TGFA: variants seen among roughly 807,000 people sequenced by gnomAD.
TGFA encodes protransforming growth factor alpha.
TGFA carries 12 observed loss-of-function variants against 21.7 expected under a neutral mutation model. That is an observed-to-expected ratio of 0.55 (90% CI 0.35 to 0.90). TGFA has a LOEUF of 0.90. Among genes scored for constraint, TGFA ranks in the 40% least tolerant of loss-of-function variants. TGFA has a pLI of 0.01. For missense variants in TGFA, 178 were observed against 210.8 expected (o/e 0.84, Z 0.96); for synonymous variants, 79 against 88.1 (o/e 0.90, Z 0.58).
chr2:70,520,396 T>C (rs1424941960), intron 1 of TGFA, among the ~76,000 whole-genome samples: 1 of 112,868 alleles, frequency 8.9e-6, no homozygotes, highest in Non-Finnish European at 1.8e-5. Context: ...GCATCTGTAA[T>C]ACCAGCTACT....
At position 70,553,117 on chromosome 2, in the gene TGFA, C is replaced by T. The variant is rs1235668609; in HGVS notation, c.40+611G>A. ...TTTCGCTCCTGCCCTCGGCGGACAC[C>T]GAAACCACTTCTCCCAGGGAAGTTA... On this transcript the variant is annotated intron_variant, in intron 1 of 5. Transcript: ENST00000295400. The T allele has an allele frequency of 3.3e-6, 5 of 1,513,954 alleles. No individual in the cohort carries two copies. The Admixed American group carries it at 8.0e-5, about 24-fold the overall frequency. The allele number at this position is 1,513,954 out of a possible 1,614,324, so 93.8% of individuals were successfully genotyped here. A position where few individuals can be genotyped will look rare whatever the true frequency, so the allele number is the denominator to read the frequency against.
intron 1 of TGFA, among the ~76,000 whole-genome samples, chr2:70,548,773 T>C (rs1673394329): frequency 6.6e-6 from 1 of 152,230 alleles, no homozygotes; most frequent in Non-Finnish European, 1.5e-5. Context: ...ACAACAAACG[T>C]GTAATCCTTA....
chr2:70,547,815 T>C (rs1553506193), intron 1 of TGFA, among the ~76,000 whole-genome samples: 1 of 145,568 alleles, frequency 6.9e-6, no homozygotes, highest in East Asian at 2.0e-4. Context: ...ATACTATCTA[T>C]ATATATACTA....
chr2:70,478,321 C>G (rs1462107204), intron 2 of TGFA, among the ~76,000 whole-genome samples: 2 of 152,198 alleles, frequency 1.3e-5, no homozygotes, highest in Admixed American at 6.5e-5. Flanking sequence ...AAATGCTATA[C>G]AGCTGATGCA....
At chr2:70,462,378 C>A (rs1381662673) in intron 3 of TGFA, among the ~76,000 whole-genome samples, 2 of 152,246 alleles carry the variant, frequency 1.3e-5, no homozygotes, top group African/African-American at 4.8e-5. Flanking sequence ...CAGGGCTGAA[C>A]ACATGCAAGC....
chr2:70,541,697 T>C (rs1673134960), intron 1 of TGFA, among the ~76,000 whole-genome samples: 1 of 152,106 alleles, frequency 6.6e-6, no homozygotes. Context: ...GTTTTCTTTG[T>C]TGGGGGAGGA....
intron 2 of TGFA, among the ~76,000 whole-genome samples, chr2:70,488,318 A>G (rs1203889253): frequency 2.0e-5 from 3 of 152,034 alleles, no homozygotes; most frequent in Non-Finnish European, 4.4e-5. Flanking sequence ...ATTTACCTAC[A>G]CTTCCTTCCA....
At chr2:70,464,728 C>T (rs1670499140) in intron 3 of TGFA, among the ~76,000 whole-genome samples, 1 of 152,184 alleles carries the variant, frequency 6.6e-6, no homozygotes, top group Admixed American at 6.5e-5. Context: ...CACATGGCTT[C>T]CATTGCCTAA....
At chr2:70,503,544 G>A (rs561253218) in intron 2 of TGFA, among the ~76,000 whole-genome samples, 25 of 148,422 alleles carry the variant, frequency 1.7e-4, no homozygotes, top group Non-Finnish European at 3.3e-4. Flanking sequence ...TGCACGTTGC[G>A]CACATGTACC....
chr2:70,536,974 G>C (rs564748856), intron 1 of TGFA, among the ~76,000 whole-genome samples: 1 of 142,210 alleles, frequency 7.0e-6, no homozygotes, highest in Non-Finnish European at 1.5e-5. Flanking sequence ...TTTTTGTTTT[G>C]TTTTCTTTTT....
At chr2:70,489,112 C>T (rs1467338377) in intron 2 of TGFA, among the ~76,000 whole-genome samples, 4 of 152,154 alleles carry the variant, frequency 2.6e-5, no homozygotes, top group African/African-American at 9.7e-5. Flanking sequence ...CAAGTCCTTC[C>T]CATCCCTGGG....
intron 1 of TGFA, among the ~76,000 whole-genome samples, chr2:70,539,196 G>T (rs1327026839): frequency 6.6e-6 from 1 of 152,182 alleles, no homozygotes; most frequent in African/African-American, 2.4e-5. Context: ...TATATGCACC[G>T]GGAAACCAAA....
In TGFA at chr2:70,447,701, A is replaced by G. The variant is rs1553488912; in HGVS notation, c.*3158T>C. On this transcript the variant is annotated 3_prime_UTR_variant, in exon 6 of 6. Coordinates refer to ENST00000295400, the MANE Select transcript of TGFA (RefSeq NM_003236.4). The stretch of plus-strand genomic sequence containing the variant: ...GAAAGCCTGGTAAATCAATGGCTAG[A>G]GAGAACAGGTCTTATGTTAGAACAT... The G allele has an allele frequency of 6.6e-6, 1 of 152,332 alleles. No homozygotes were observed. Among genetic ancestry groups the G allele is most frequent in the African/African-American group, 2.4e-5 (1 of 41,462 alleles). 9.4% of individuals were successfully genotyped at this position (152,332 alleles called of 1,614,324 possible).
rs974685074 is a variant in TGFA at position 70,450,947 on chromosome 2, G to C, written c.476-81C>G. The C allele has an allele frequency of 8.6e-6, 13 of 1,520,204 alleles. No individual in the cohort carries two copies. In the East Asian group the frequency reaches 3.0e-4, roughly 35 times the overall value. 94.2% of individuals were successfully genotyped at this position (1,520,204 alleles called of 1,614,324 possible). ...GAAAATAAGCTTAGGAAAGAGACTT[G>C]GAGATGGCAGAGCCAATGTCACCAA... On this transcript the variant is annotated intron_variant, in intron 5 of 5. Coordinates refer to ENST00000295400, the MANE Select transcript of TGFA (RefSeq NM_003236.4).
intron 3 of TGFA, among the ~76,000 whole-genome samples, chr2:70,465,263 C>G (rs1670519647): frequency 1.3e-5 from 2 of 152,204 alleles, no homozygotes; most frequent in African/African-American, 4.8e-5. Context: ...GTTATCCATC[C>G]CAGTGCCTTG....
At chr2:70,475,831 C>A (rs1351583871) in intron 2 of TGFA, among the ~76,000 whole-genome samples, 1 of 151,988 alleles carries the variant, frequency 6.6e-6, no homozygotes, top group Non-Finnish European at 1.5e-5. Flanking sequence ...CCCGACTCCC[C>A]CTGGGAAGAC....
At chr2:70,492,066 A>G (rs1671453476) in intron 2 of TGFA, among the ~76,000 whole-genome samples, 1 of 152,252 alleles carries the variant, frequency 6.6e-6, no homozygotes, top group South Asian at 2.1e-4. Context: ...ACAGGATCTT[A>G]GACCTGCATG....
rs139741042 is a variant in TGFA at position 70,449,746 on chromosome 2, A to C, written c.*1113T>G. On this transcript the variant is annotated 3_prime_UTR_variant, in exon 6 of 6. Coordinates refer to ENST00000295400, the MANE Select transcript of TGFA (RefSeq NM_003236.4). ...AACCAACCAAGCAACAAAATGGAAA[A>C]TAAATGACTGGTCCCCCTTTCATGG... 4.7e-4 allele frequency: 87 copies of C among 184,948 alleles called. No homozygotes were observed. Among genetic ancestry groups the C allele is most frequent in the African/African-American group, 2.0e-3 (86 of 42,678 alleles). 11.5% of individuals were successfully genotyped at this position (184,948 alleles called of 1,614,324 possible).
In TGFA at chr2:70,453,334, A is replaced by G; in HGVS notation, c.366-7T>C. The G allele has an allele frequency of 6.2e-7, 1 of 1,612,674 alleles. No homozygotes were observed. Among genetic ancestry groups the G allele is most frequent in the African/African-American group, 1.3e-5 (1 of 75,044 alleles). On this transcript the variant is annotated splice_region_variant and splice_polypyrimidine_tract_variant and intron_variant, in intron 4 of 5. Transcript: ENST00000295400. ...TTTTCGGACCTGGCAGCAGCTGCAA[A>G]GACACAGAGGACCCAGTCTGGGCAG... is the stretch of plus-strand genomic sequence containing the variant.
Sources: allele counts gnomAD v4.1 joint callset (sites outside exome capture counted in the v4.1 genomes callset), GRCh38; gene constraint gnomAD v4.1.1; transcripts MANE v1.5; gene names NCBI Gene and HGNC (gene_info 2026-07-23, HGNC 2026-07-21).